ADGB: variants seen among roughly 807,000 people sequenced by gnomAD.
ADGB encodes androglobin, also known as calpain-7-like protein.
ADGB carries 172 observed loss-of-function variants against 210.5 expected under a neutral mutation model. That is an observed-to-expected ratio of 0.82 (90% CI 0.72 to 0.93). The LOEUF (loss-of-function observed/expected upper bound fraction) is 0.93. Among genes scored for constraint, ADGB ranks in the 40% least tolerant of loss-of-function variants. The pLI, the probability that ADGB is intolerant of heterozygous loss-of-function variation, is 0.00. For synonymous variants in ADGB, 658 were observed against 662.7 expected (o/e 0.99, Z 0.11); for missense variants, 2,025 against 1,964.8 (o/e 1.03, Z -0.58).
In ADGB at chr6:146,644,806, T is replaced by G; in HGVS notation, c.271T>G (p.Leu91Val). 4 of 1,493,312 alleles carry G rather than the reference T, an allele frequency of 2.7e-6. No homozygotes were observed. Among genetic ancestry groups the G allele is most frequent in the Non-Finnish European group, 2.7e-6 (3 of 1,120,936 alleles). 92.5% of individuals were successfully genotyped at this position (1,493,312 alleles called of 1,614,324 possible). ...FFEDPEGKIELPPSLKIYSWK... is the reference protein window; with the variant it reads ...FFEDPEGKIEVPPSLKIYSWK... The stretch of plus-strand genomic sequence containing the variant: ...TGAGGACCCTGAAGGAAAGATTGAG[T>G]TACCACCATCCTTGAAAATTTATTC... The change falls in exon 3 of 36, where the codon TTA becomes GTA. Residue 91 changes from leucine (L) to valine (V), a missense_variant. Coordinates refer to ENST00000397944, the MANE Select transcript of ADGB (RefSeq NM_024694.4).
intron 3 of ADGB, among the ~76,000 whole-genome samples, 167 bp downstream of exon 3, chr6:146,645,032 T>C (rs989707444): frequency 5.3e-5 from 8 of 152,062 alleles, no homozygotes; most frequent in African/African-American, 1.9e-4. Flanking sequence ...TTTATTAATA[T>C]AGTTTAATGT....
chr6:146,653,029 C>T (rs1315734865), intron 3 of ADGB, among the ~76,000 whole-genome samples: 1 of 152,166 alleles, frequency 6.6e-6, no homozygotes, highest in Non-Finnish European at 1.5e-5. Flanking sequence ...ACATCACTTG[C>T]ATTACCACCT....
Position 146,796,833 on chromosome 6 carries a change from A to G in ADGB, c.4538-4350A>G, listed in dbSNP as rs546617513. The stretch of plus-strand genomic sequence containing the variant: ...AAGAACCCAAAAGCAAATGCAACAA[A>G]AACAGATAAATAAATGAGAATTAAA... On this transcript the variant is annotated intron_variant, in intron 33 of 35. Transcript: ENST00000397944. 5.9e-5 allele frequency among the ~76,000 whole-genome samples: 9 copies of G among 152,272 alleles called. No homozygotes were observed. The East Asian group carries it at 1.7e-3, about 29-fold the overall frequency.
chr6:146,726,611 A>T (rs1254592187), intron 19 of ADGB, among the ~76,000 whole-genome samples: 2 of 152,308 alleles, frequency 1.3e-5, no homozygotes, highest in Non-Finnish European at 2.9e-5. Context: ...TTTACCTTTT[A>T]AAACTATTAA....
At chr6:146,739,716 A>T (rs545025439) in intron 23 of ADGB, among the ~76,000 whole-genome samples, 2 of 152,332 alleles carry the variant, frequency 1.3e-5, no homozygotes, top group South Asian at 4.1e-4. Flanking sequence ...TGCTATGGCC[A>T]TAATGCTTCC....
intron 5 of ADGB, 133 bp downstream of exon 5, chr6:146,657,113 T>C: frequency 7.5e-6 from 6 of 797,100 alleles, no homozygotes; most frequent in Non-Finnish European, 9.6e-6. Flanking sequence ...TCACCTGAGA[T>C]CAGGAGTTCG....
At chr6:146,635,563 T>G in intron 2 of ADGB, 26 bp downstream of exon 2, 1 of 1,465,894 alleles carries the variant, frequency 6.8e-7, no homozygotes, top group Non-Finnish European at 9.1e-7. Flanking sequence ...TGTGACTAGG[T>G]TTCATTTTGG....
chr6:146,752,205 A>G (rs916631219), intron 26 of ADGB, among the ~76,000 whole-genome samples: 1 of 152,054 alleles, frequency 6.6e-6, no homozygotes, highest in Non-Finnish European at 1.5e-5. Context: ...ATCATGGCAG[A>G]AGAGGAATGG....
At position 146,731,532 on chromosome 6, in the gene ADGB, C is replaced by A. The variant is rs552034992; in HGVS notation, c.2521-1588C>A. 2.0e-5 allele frequency among the ~76,000 whole-genome samples: 3 copies of A among 152,126 alleles called. No homozygotes were observed. The South Asian group carries it at 6.2e-4, about 32-fold the overall frequency. The stretch of plus-strand genomic sequence containing the variant: ...CATCCTGATGGGTGCAGGATCTTGG[C>A]TACCTTACTGTAGCCAAGCCATGGT... On this transcript the variant is annotated intron_variant, in intron 20 of 35. Transcript: ENST00000397944.
At chr6:146,668,122 C>T (rs1468377040) in intron 7 of ADGB, among the ~76,000 whole-genome samples, 6 of 151,942 alleles carry the variant, frequency 3.9e-5, no homozygotes, top group South Asian at 2.1e-4. Flanking sequence ...ATAGATGCAC[C>T]GTTTTATCAT....
At chr6:146,610,818 CATA>C (rs1274230308) in intron 1 of ADGB, among the ~76,000 whole-genome samples, 5 of 152,264 alleles carry the variant, frequency 3.3e-5, no homozygotes, top group African/African-American at 1.2e-4. Flanking sequence ...GAGGTCTGCT[CATA>C]AATGTGCACT....
At chr6:146,623,835 G>T (rs1055289921) in intron 1 of ADGB, among the ~76,000 whole-genome samples, 3 of 151,820 alleles carry the variant, frequency 2.0e-5, no homozygotes, top group Non-Finnish European at 2.9e-5. Context: ...ATATTTAGAT[G>T]ATCATAATTT....
intron 9 of ADGB, 98 bp downstream of exon 9, chr6:146,676,539 A>G (rs1456723289): frequency 2.7e-6 from 3 of 1,106,090 alleles, no homozygotes; most frequent in Non-Finnish European, 3.5e-6. Flanking sequence ...TTTTGAAATA[A>G]CTAAATAAAC....
At chr6:146,658,153 A>G (rs965504344) in intron 5 of ADGB, among the ~76,000 whole-genome samples, 2 of 152,206 alleles carry the variant, frequency 1.3e-5, no homozygotes, top group Admixed American at 6.5e-5. Flanking sequence ...TAGGATAATT[A>G]CAATGGGAAG....
Position 146,756,837 on chromosome 6 carries a change from C to T in ADGB, c.3550+4123C>T, listed in dbSNP as rs558650237. Among the ~76,000 whole-genome samples, 31 of 151,988 alleles carry T rather than the reference C, an allele frequency of 2.0e-4. 1 individual carries two copies. The highest frequency in any genetic ancestry group is 1.2e-4 in the African/African-American group (5 of 41,456). ...CCACCTCCTGGATTCAAGTGATTCT[C>T]GTGCCTTAGCCTCCCAAGTAGCTGG... On this transcript the variant is annotated intron_variant, in intron 27 of 35. Transcript: ENST00000397944.
At chr6:146,763,020 T>G (rs1275608501) in intron 27 of ADGB, among the ~76,000 whole-genome samples, 1 of 152,186 alleles carries the variant, frequency 6.6e-6, no homozygotes, top group Non-Finnish European at 1.5e-5. Flanking sequence ...CCTTCTGGTA[T>G]CCTACCTCAA....
At chr6:146,729,949 C>T (rs1253433068) in intron 20 of ADGB, among the ~76,000 whole-genome samples, 2 of 152,086 alleles carry the variant, frequency 1.3e-5, no homozygotes, top group African/African-American at 4.8e-5. Flanking sequence ...CTGTAGATTC[C>T]AGTTGTGACA....
At chr6:146,769,592 A>G (rs1246829092) in intron 29 of ADGB, among the ~76,000 whole-genome samples, 1 of 152,188 alleles carries the variant, frequency 6.6e-6, no homozygotes, top group South Asian at 2.1e-4. Context: ...AAACTACTCT[A>G]GTATTCCTGG....
At chr6:146,782,868 A>T (rs912579) in intron 30 of ADGB, among the ~76,000 whole-genome samples, 3,737 of 152,226 alleles carry the variant, frequency 0.025, 125 homozygotes, top group African/African-American at 0.085. Context: ...ATTTTCAAGT[A>T]ACCAAAAAAC....
Sources: allele counts gnomAD v4.1 joint callset (sites outside exome capture counted in the v4.1 genomes callset), GRCh38; gene constraint gnomAD v4.1.1; transcripts MANE v1.5; gene names NCBI Gene and HGNC (gene_info 2026-07-23, HGNC 2026-07-21).